ZFHX3: variants seen among roughly 807,000 people sequenced by gnomAD.
ZFHX3 encodes the protein zinc finger homeobox 3.
ZFHX3 carries 42 observed loss-of-function variants against 279.1 expected under a neutral mutation model. That is an observed-to-expected ratio of 0.15 (90% confidence interval 0.12 to 0.19). ZFHX3 has a LOEUF of 0.19. Ranked by LOEUF, ZFHX3 falls within the 10% of genes least tolerant of loss-of-function variation. The pLI, the probability that ZFHX3 is intolerant of heterozygous loss-of-function variation, is 1.00. For missense variants in ZFHX3, 4,981 were observed against 4,754.0 expected, an observed-to-expected ratio of 1.05 and a Z score of -1.40; for synonymous variants, 2,293 against 1,957.8, an observed-to-expected ratio of 1.17 and a Z score of -4.52.
At chr16:73,187,151 C>G (rs1227794184) in intron 5 of ZFHX3, among the ~76,000 whole-genome samples, 1 of 146,552 alleles carries the variant, frequency 6.8e-6, no homozygotes, top group Non-Finnish European at 1.5e-5. Context: ...GTCTCACACA[C>G]ACACACACAC....
intron 3 of ZFHX3, among the ~76,000 whole-genome samples, chr16:73,379,361 A>G (rs530144750): frequency 8.5e-5 from 13 of 152,190 alleles, no homozygotes; most frequent in Admixed American, 7.9e-4. Context: ...TCACCCCACA[A>G]GCCCCAATCT....
chr16:73,254,921 C>T (rs2013620874), intron 5 of ZFHX3, among the ~76,000 whole-genome samples: 1 of 152,016 alleles, frequency 6.6e-6, no homozygotes, highest in South Asian at 2.1e-4. Flanking sequence ...TCCATCCATC[C>T]ACCCACCCAC....
At chr16:72,923,858 C>T (rs1397612983) in intron 3 of ZFHX3, among the ~76,000 whole-genome samples, 1 of 152,206 alleles carries the variant, frequency 6.6e-6, no homozygotes, top group East Asian at 1.9e-4. Context: ...CTTTGAATTG[C>T]CTCGTCCTAC....
At chr16:73,024,866 C>T (rs1222809927) in intron 1 of ZFHX3, among the ~76,000 whole-genome samples, 4 of 152,200 alleles carry the variant, frequency 2.6e-5, no homozygotes, top group Non-Finnish European at 5.9e-5. Context: ...CACAGCTCAG[C>T]GGCTACATGT....
At chr16:73,322,219 G>A (rs1475137510) in intron 3 of ZFHX3, among the ~76,000 whole-genome samples, 1 of 151,950 alleles carries the variant, frequency 6.6e-6, no homozygotes, top group African/African-American at 2.4e-5. Context: ...GGGGAGCCCA[G>A]AGGCAGATGA....
In ZFHX3 at chr16:72,933,813, CTT is replaced by C. The variant is rs71391468; in HGVS notation, c.3216+16654_3216+16655del. On this transcript the variant is annotated intron_variant, in intron 3 of 9. Transcript: ENST00000268489. ...TATGAAATGTTTAGCTCACAACTTTCTTTTTTTTTTTTTTTTTTTTTTTGAGA... is the reference window on the plus strand; with the variant it reads ...TATGAAATGTTTAGCTCACAACTTTCTTTTTTTTTTTTTTTTTTTTTGAGA... Among the ~76,000 whole-genome samples, 132 of 112,448 alleles carry C rather than the reference CTT, an allele frequency of 1.2e-3. 1 individual carries two copies. In the Middle Eastern group the frequency reaches 0.023, roughly 20 times the overall value. 73.8% of individuals were successfully genotyped at this position (112,448 alleles called of 152,430 possible).
At chr16:73,855,657 AAAACAT>A (rs1417833048) in intron 1 of ZFHX3, among the ~76,000 whole-genome samples, 1 of 152,232 alleles carries the variant, frequency 6.6e-6, no homozygotes, top group Non-Finnish European at 1.5e-5. Context: ...TCATCTCTGG[AAAACAT>A]AACAAGCTCA....
Position 73,659,281 on chromosome 16 carries a change from G to C in ZFHX3, c.-1547+20899C>G, listed in dbSNP as rs544516626. Among the ~76,000 whole-genome samples, 5 of 152,218 alleles carry C rather than the reference G, an allele frequency of 3.3e-5. No individual in the cohort carries two copies. In the South Asian group the frequency reaches 1.0e-3, roughly 32 times the overall value. On this transcript the variant is annotated intron_variant, in intron 2 of 17. Coordinates refer to the ZFHX3 transcript ENST00000641206. ...TCTCTGCAGCCAAAAATGTACATACGTGCAAAAACAACCTTGTCTGCTGGA... is the reference window on the plus strand; with the variant it reads ...TCTCTGCAGCCAAAAATGTACATACCTGCAAAAACAACCTTGTCTGCTGGA...
intron 4 of ZFHX3, among the ~76,000 whole-genome samples, chr16:73,311,850 G>T (rs977026342): frequency 2.6e-5 from 4 of 152,236 alleles, no homozygotes; most frequent in African/African-American, 9.6e-5. Context: ...ATTGTCAAAG[G>T]CAGGAGTAAG....
chr16:73,656,290 T>G (rs1179134726), intron 2 of ZFHX3, among the ~76,000 whole-genome samples: 2 of 152,204 alleles, frequency 1.3e-5, no homozygotes, highest in African/African-American at 4.8e-5. Context: ...ACTCCTAACT[T>G]AAATGAATCT....
chr16:72,870,093 G>A (rs1298815526), intron 4 of ZFHX3, among the ~76,000 whole-genome samples: 1 of 152,178 alleles, frequency 6.6e-6, no homozygotes, highest in Non-Finnish European at 1.5e-5. Context: ...GGGCAAGACA[G>A]AGGAACAATG....
intron 3 of ZFHX3, among the ~76,000 whole-genome samples, chr16:73,406,157 G>A (rs922398360): frequency 2.6e-5 from 4 of 152,216 alleles, no homozygotes; most frequent in African/African-American, 7.2e-5. Flanking sequence ...AGAACGCCCC[G>A]AACTAATTCC....
chr16:73,220,020 A>G (rs912947038), intron 5 of ZFHX3, among the ~76,000 whole-genome samples: 12 of 152,146 alleles, frequency 7.9e-5, no homozygotes, highest in African/African-American at 2.2e-4. Flanking sequence ...TGGGAGGTGG[A>G]GGTTGCAGTA....
At chr16:73,156,154 C>T (rs189684527) in intron 5 of ZFHX3, among the ~76,000 whole-genome samples, 3 of 149,866 alleles carry the variant, frequency 2.0e-5, no homozygotes, top group Non-Finnish European at 4.4e-5. Flanking sequence ...ATGGTGTGAA[C>T]CCGGGAGGCA....
chr16:73,884,381 C>T (rs958426508), intron 1 of ZFHX3, among the ~76,000 whole-genome samples: 4 of 152,150 alleles, frequency 2.6e-5, no homozygotes, highest in African/African-American at 9.7e-5. Flanking sequence ...AATGCTAATG[C>T]AATTTTTTCC....
intron 1 of ZFHX3, among the ~76,000 whole-genome samples, chr16:73,720,292 C>G (rs958032366): frequency 7.2e-5 from 11 of 152,148 alleles, no homozygotes; most frequent in African/African-American, 2.7e-4. Flanking sequence ...AATATTTACA[C>G]TCTTTGGCAA....
intron 1 of ZFHX3, among the ~76,000 whole-genome samples, chr16:73,054,037 G>A (rs1231324863): frequency 6.6e-6 from 1 of 150,474 alleles, no homozygotes; most frequent in African/African-American, 2.5e-5. Flanking sequence ...GAAAGGGGCT[G>A]AAGGGAAGAT....
At chr16:73,674,453 G>A (rs771825695) in intron 2 of ZFHX3, among the ~76,000 whole-genome samples, 1 of 152,186 alleles carries the variant, frequency 6.6e-6, no homozygotes, top group Non-Finnish European at 1.5e-5. Context: ...CTTAGATTAA[G>A]TTTCAATTTA....
At chr16:73,788,132 G>A (rs1208305021) in intron 1 of ZFHX3, among the ~76,000 whole-genome samples, 1 of 152,170 alleles carries the variant, frequency 6.6e-6, no homozygotes, top group Non-Finnish European at 1.5e-5. Flanking sequence ...AGCTGTAGGA[G>A]AAGGTGGCAC....
Sources: gnomAD v4.1 joint callset for allele counts (sites outside exome capture counted in the v4.1 genomes callset) on GRCh38, gnomAD v4.1.1 for gene constraint, MANE v1.5 for transcripts, NCBI Gene and HGNC (gene_info 2026-07-23, HGNC 2026-07-21) for gene names.